The following RIMS1 variants were observed in gnomAD, a reference collection of about 807,000 sequenced individuals.
The protein encoded by RIMS1 is regulating synaptic membrane exocytosis protein 1.
A neutral mutation model predicts 214.1 loss-of-function variants in RIMS1; 83 were observed. That is an observed-to-expected ratio of 0.39 (90% CI 0.32 to 0.47). The LOEUF (loss-of-function observed/expected upper bound fraction) is 0.47, where lower values mean the gene tolerates loss of function less well. Among genes scored for constraint, RIMS1 ranks in the 20% least tolerant of loss-of-function variants. The pLI is 0.99. For synonymous variants in RIMS1, 793 were observed against 786.8 expected (o/e 1.01, Z -0.13); for missense variants, 2,050 against 2,161.8 (o/e 0.95, Z 1.03).
At chr6:71,914,166 A>T (rs1380603077) in intron 1 of RIMS1, among the ~76,000 whole-genome samples, 1 of 152,166 alleles carries the variant, frequency 6.6e-6, no homozygotes, top group East Asian at 1.9e-4. Context: ...CTTTGTGAAT[A>T]GGAAAATATG....
chr6:71,991,564 C>T (rs996940314), intron 2 of RIMS1, among the ~76,000 whole-genome samples: 6 of 152,096 alleles, frequency 3.9e-5, no homozygotes, highest in African/African-American at 7.2e-5. Context: ...GATATCAGAC[C>T]GGATTCCTGC....
At chr6:71,912,191 C>T (rs190126044) in intron 1 of RIMS1, among the ~76,000 whole-genome samples, 261 of 152,200 alleles carry the variant, frequency 1.7e-3, no homozygotes, top group Admixed American at 4.1e-3. Flanking sequence ...CTTCTGTGGT[C>T]TATAAACCTA....
At chr6:72,184,510 T>G (rs2048829104) in intron 6 of RIMS1, among the ~76,000 whole-genome samples, 1 of 152,184 alleles carries the variant, frequency 6.6e-6, no homozygotes, top group African/African-American at 2.4e-5. Context: ...ATCTATAGAC[T>G]CTAATATTAG....
At chr6:72,125,479 T>C (rs2039320636) in intron 4 of RIMS1, among the ~76,000 whole-genome samples, 1 of 152,198 alleles carries the variant, frequency 6.6e-6, no homozygotes, top group Admixed American at 6.5e-5. Context: ...TATTCTCAGA[T>C]CTCAAACTCC....
chr6:72,055,731 T>C (rs546256771), intron 2 of RIMS1, among the ~76,000 whole-genome samples: 1 of 152,304 alleles, frequency 6.6e-6, no homozygotes, highest in Admixed American at 6.5e-5. Flanking sequence ...CTCACTTCAG[T>C]CGAATGGCTA....
intron 2 of RIMS1, among the ~76,000 whole-genome samples, chr6:72,042,186 A>G (rs562143451): frequency 6.6e-6 from 1 of 152,060 alleles, no homozygotes; most frequent in East Asian, 1.9e-4. Flanking sequence ...CAGATCAGAC[A>G]CTATAGAAAG....
At chr6:72,135,476 C>G (rs1261439476) in intron 4 of RIMS1, among the ~76,000 whole-genome samples, 1 of 152,114 alleles carries the variant, frequency 6.6e-6, no homozygotes, top group Non-Finnish European at 1.5e-5. Context: ...CTCTCTAACA[C>G]TTGAAAACTT....
Position 72,119,659 on chromosome 6 carries a change from AT to A in RIMS1, c.471+19682del, listed in dbSNP as rs567323477. 5.2e-4 allele frequency among the ~76,000 whole-genome samples: 79 copies of A among 150,952 alleles called. 2 individuals carry two copies. The highest frequency in any genetic ancestry group is 3.4e-3 in the Middle Eastern group (1 of 294). ...AAAGCCAAATACTTATAGCCAACTG[AT>A]TTTTTTTTAATACTTTAAGTTCTAG... On this transcript the variant is annotated intron_variant, in intron 4 of 33. Transcript: ENST00000521978.
At chr6:72,328,552 A>G (rs566860616) in intron 28 of RIMS1, among the ~76,000 whole-genome samples, 2 of 151,928 alleles carry the variant, frequency 1.3e-5, no homozygotes, top group African/African-American at 4.8e-5. Context: ...ACAAAAGTAT[A>G]AAAACAAAAT....
At chr6:72,256,824 T>C (rs1376310528) in intron 16 of RIMS1, among the ~76,000 whole-genome samples, 1 of 152,004 alleles carries the variant, frequency 6.6e-6, no homozygotes, top group African/African-American at 2.4e-5. Flanking sequence ...AACAGACTTT[T>C]TATACAAAAC....
chr6:72,242,459 T>A, intron 10 of RIMS1, 22 bp downstream of exon 10: 2 of 1,503,000 alleles, frequency 1.3e-6, no homozygotes, highest in Non-Finnish European at 1.8e-6. Context: ...AAAACTTACT[T>A]CTTAAGTTTA....
chr6:72,360,672 ATATT>A (rs2097783973), intron 29 of RIMS1, among the ~76,000 whole-genome samples: 1 of 149,370 alleles, frequency 6.7e-6, no homozygotes, highest in Non-Finnish European at 1.5e-5. Flanking sequence ...CTATATTTAT[ATATT>A]TAATATATTC....
At chr6:72,012,335 TG>T (rs1254999071) in intron 2 of RIMS1, among the ~76,000 whole-genome samples, 13 of 150,570 alleles carry the variant, frequency 8.6e-5, no homozygotes, top group Non-Finnish European at 1.9e-4. Context: ...TGTTGTAGGG[TG>T]GGGGAAAGAG....
At chr6:72,351,204 A>G (rs1187000007) in intron 29 of RIMS1, among the ~76,000 whole-genome samples, 1 of 152,134 alleles carries the variant, frequency 6.6e-6, no homozygotes, top group South Asian at 2.1e-4. Flanking sequence ...TAAAAAAAAA[A>G]AATGCCATTA....
intron 9 of RIMS1, among the ~76,000 whole-genome samples, chr6:72,238,567 A>G (rs905630940): frequency 4.6e-5 from 7 of 152,288 alleles, no homozygotes; most frequent in Admixed American, 2.0e-4. Context: ...TTAAATAGTA[A>G]CACATTTTAA....
chr6:72,275,501 A>C (rs1326933280), intron 23 of RIMS1, among the ~76,000 whole-genome samples: 1 of 152,256 alleles, frequency 6.6e-6, no homozygotes, highest in East Asian at 1.9e-4. Context: ...AAAAAAATTA[A>C]GGTTGTTTTA....
At chr6:71,926,652 G>A (rs17489346) in intron 1 of RIMS1, among the ~76,000 whole-genome samples, 17,012 of 152,094 alleles carry the variant, frequency 0.11, 1,222 homozygotes, top group Non-Finnish European at 0.16. Context: ...GTTGATACCC[G>A]TCAATTAAGT....
chr6:72,391,668 C>T (rs373591508), intron 30 of RIMS1, among the ~76,000 whole-genome samples: 383 of 152,278 alleles, frequency 2.5e-3, no homozygotes, highest in African/African-American at 8.9e-3. Flanking sequence ...CCTTCCCATT[C>T]CTGAAACTAG....
intron 1 of RIMS1, among the ~76,000 whole-genome samples, chr6:71,931,865 T>A (rs1407287614): frequency 6.6e-6 from 1 of 151,870 alleles, no homozygotes; most frequent in East Asian, 1.9e-4. Flanking sequence ...AGCAATTGTA[T>A]TAAAAAAAGC....
Sources: gnomAD v4.1 joint callset for allele counts (sites outside exome capture counted in the v4.1 genomes callset) on GRCh38, gnomAD v4.1.1 for gene constraint, MANE v1.5 for transcripts, NCBI Gene and HGNC (gene_info 2026-07-23, HGNC 2026-07-21) for gene names.